The following CEP128 variants were observed in gnomAD, a reference collection of about 807,000 sequenced individuals.
CEP128 encodes centrosomal protein 128.
A neutral mutation model predicts 156.7 loss-of-function variants in CEP128; 132 were observed. The ratio of observed to expected loss-of-function variants is 0.84; its 90% confidence interval spans 0.73 to 0.97. The LOEUF (loss-of-function observed/expected upper bound fraction) is 0.97, where lower values mean the gene tolerates loss of function less well. Ranked by LOEUF, CEP128 falls within the 50% of genes least tolerant of loss-of-function variation. The pLI is 0.00. For missense variants in CEP128, 1,252 were observed against 1,281.9 expected, an observed-to-expected ratio of 0.98 and a Z score of 0.36; for synonymous variants, 469 against 448.9, an observed-to-expected ratio of 1.04 and a Z score of -0.57.
intron 8 of CEP128, among the ~76,000 whole-genome samples, chr14:80,887,547 T>G (rs1246778412): frequency 1.3e-5 from 2 of 152,014 alleles, no homozygotes; most frequent in Admixed American, 6.6e-5. Flanking sequence ...ATAACAAAAT[T>G]AAGGCAGAAA....
intron 13 of CEP128, among the ~76,000 whole-genome samples, chr14:80,804,897 T>C (rs966642030): frequency 6.6e-6 from 1 of 152,160 alleles, no homozygotes; most frequent in Non-Finnish European, 1.5e-5. Flanking sequence ...TTAACATGAA[T>C]TCAACCGACA....
chr14:80,602,093 T>C (rs1892603156), intron 19 of CEP128, among the ~76,000 whole-genome samples: 1 of 152,156 alleles, frequency 6.6e-6, no homozygotes, highest in South Asian at 2.1e-4. Context: ...AAACTTGTTC[T>C]GAGACAAAGG....
At chr14:80,800,033 T>G (rs184826736) in intron 13 of CEP128, among the ~76,000 whole-genome samples, 2 of 152,158 alleles carry the variant, frequency 1.3e-5, no homozygotes, top group African/African-American at 2.4e-5. Context: ...ATGTGATCTT[T>G]GTACCTACTC....
chr14:80,841,709 C>T (rs556613037), intron 9 of CEP128, among the ~76,000 whole-genome samples: 3 of 152,074 alleles, frequency 2.0e-5, no homozygotes, highest in East Asian at 1.9e-4. Context: ...ATTTGCCTAA[C>T]GTCACTCACC....
intron 21 of CEP128, among the ~76,000 whole-genome samples, chr14:80,556,606 A>G (rs1005549343): frequency 6.6e-6 from 1 of 152,160 alleles, no homozygotes; most frequent in Non-Finnish European, 1.5e-5. Flanking sequence ...GTTTCTTATT[A>G]TGATGAAAAG....
At chr14:80,824,521 T>C (rs1180432632) in intron 13 of CEP128, among the ~76,000 whole-genome samples, 1 of 152,184 alleles carries the variant, frequency 6.6e-6, no homozygotes, top group Non-Finnish European at 1.5e-5. Context: ...AAAAATTTAT[T>C]CTGAACAGAT....
chr14:80,740,494 CTAGATAGATAGATAGATAGATAGA>C lies in CEP128; in HGVS notation c.2806+2557_2806+2580del, dbSNP rs200610505. On this transcript the variant is annotated intron_variant, in intron 19 of 24. Transcript: ENST00000555265. ...CACACACACAGATTCATATTTATAT[CTAGATAGATAGATAGATAGATAGA>C]TAGATAGATAGATAGATAGATAGAT... Among the ~76,000 whole-genome samples, 77 of 140,914 alleles carry C rather than the reference CTAGATAGATAGATAGATAGATAGA, an allele frequency of 5.5e-4. 1 individual carries two copies. In the Middle Eastern group the frequency reaches 0.014, roughly 26 times the overall value. The allele number at this position is 140,914 out of a possible 152,430, so 92.4% of individuals were successfully genotyped here.
intron 15 of CEP128, among the ~76,000 whole-genome samples, chr14:80,784,455 A>C (rs556431159): frequency 4.6e-5 from 7 of 152,296 alleles, no homozygotes; most frequent in African/African-American, 1.7e-4. Flanking sequence ...TTTGGAAAAG[A>C]AGGAGTAAAT....
intron 18 of CEP128, among the ~76,000 whole-genome samples, chr14:80,744,777 TA>T (rs1221470421): frequency 6.6e-6 from 1 of 152,136 alleles, no homozygotes. Flanking sequence ...TTGCATAGGC[TA>T]AAATCCTGGC....
intron 19 of CEP128, among the ~76,000 whole-genome samples, chr14:80,705,251 T>C (rs1467475791): frequency 6.6e-6 from 1 of 152,030 alleles, no homozygotes; most frequent in Non-Finnish European, 1.5e-5. Flanking sequence ...CCTTTTAATC[T>C]AGATTCTCCC....
intron 19 of CEP128, among the ~76,000 whole-genome samples, chr14:80,672,605 C>G (rs572511905): frequency 6.6e-6 from 1 of 152,138 alleles, no homozygotes; most frequent in East Asian, 1.9e-4. Context: ...TTTCTAGGTC[C>G]CTTGATTTTC....
intron 2 of CEP128, among the ~76,000 whole-genome samples, chr14:80,953,577 T>C (rs111538471): frequency 2.6e-5 from 4 of 152,298 alleles, no homozygotes; most frequent in African/African-American, 9.6e-5. Flanking sequence ...AGGGCGAGAC[T>C]CCGTCTCAAA....
At chr14:80,722,821 C>CTTTTTT (rs142796338) in intron 19 of CEP128, among the ~76,000 whole-genome samples, 3 of 103,974 alleles carry the variant, frequency 2.9e-5, no homozygotes, top group Non-Finnish European at 3.6e-5. Context: ...TACTCTTTAT[C>CTTTTTT]TTTTTTTTTT....
intron 19 of CEP128, among the ~76,000 whole-genome samples, chr14:80,604,597 C>T (rs185758306): frequency 1.3e-5 from 2 of 152,128 alleles, no homozygotes; most frequent in East Asian, 1.9e-4. Flanking sequence ...CAGCTTAAAA[C>T]GTATCCTCGG....
intron 19 of CEP128, among the ~76,000 whole-genome samples, chr14:80,699,150 G>A (rs1181177130): frequency 2.0e-5 from 3 of 152,126 alleles, no homozygotes; most frequent in Non-Finnish European, 2.9e-5. Context: ...TACACATTCA[G>A]TACAATGCCT....
At chr14:80,678,047 A>ATATATATATATATATATATGTGTAT (rs1555390193) in intron 19 of CEP128, among the ~76,000 whole-genome samples, 1 of 68,520 alleles carries the variant, frequency 1.5e-5, no homozygotes, top group African/African-American at 5.8e-5. Flanking sequence ...CTATAAAAAA[A>ATATATATATATATATATATGTGTAT]AAATATATAT....
chr14:80,700,818 G>T (rs1016082803), intron 19 of CEP128, among the ~76,000 whole-genome samples: 2 of 152,100 alleles, frequency 1.3e-5, no homozygotes, highest in Admixed American at 1.3e-4. Flanking sequence ...ACCAACTTCA[G>T]AAAATAATAT....
intron 19 of CEP128, among the ~76,000 whole-genome samples, chr14:80,632,099 C>A (rs1005658575): frequency 7.9e-5 from 12 of 152,100 alleles, no homozygotes; most frequent in Admixed American, 7.2e-4. Flanking sequence ...AAATTATATA[C>A]CTGAAAAGCA....
At chr14:80,726,129 T>C (rs1422034482) in intron 19 of CEP128, among the ~76,000 whole-genome samples, 1 of 152,192 alleles carries the variant, frequency 6.6e-6, no homozygotes, top group Non-Finnish European at 1.5e-5. Flanking sequence ...CCAACAGACA[T>C]CTCCTATGTC....
Sources: gnomAD v4.1 joint callset for allele counts (sites outside exome capture counted in the v4.1 genomes callset) on GRCh38, gnomAD v4.1.1 for gene constraint, MANE v1.5 for transcripts, NCBI Gene and HGNC (gene_info 2026-07-23, HGNC 2026-07-21) for gene names.